Variants in SYTL3 observed in about 807,000 individuals in gnomAD.
SYTL3 encodes synaptotagmin-like protein 3.
In SYTL3, 88 loss-of-function variants were observed where a neutral mutation model predicts 82.1. The ratio of observed to expected loss-of-function variants is 1.07; its 90% confidence interval spans 0.90 to 1.28. SYTL3 has a LOEUF of 1.28. Ranked by LOEUF, SYTL3 falls within the 50% of genes most tolerant of loss-of-function variation. SYTL3 has a pLI of 0.00. For synonymous variants in SYTL3, 311 were observed against 289.4 expected (o/e 1.07, Z -0.76); for missense variants, 831 against 757.6 (o/e 1.10, Z -1.14).
intron 5 of SYTL3, among the ~76,000 whole-genome samples, chr6:158,681,172 A>C (rs554864216): frequency 6.6e-6 from 1 of 152,334 alleles, no homozygotes; most frequent in East Asian, 1.9e-4. Flanking sequence ...AAGGATGTGA[A>C]GATCTTATAA....
chr6:158,683,135 A>G (rs946708449), intron 6 of SYTL3, 146 bp downstream of exon 6: 12 of 592,262 alleles, frequency 2.0e-5, no homozygotes, highest in African/African-American at 9.5e-5. Context: ...TGATGCTCTC[A>G]CTGTAATTCA....
At chr6:158,678,785 C>T (rs1778340863) in intron 5 of SYTL3, among the ~76,000 whole-genome samples, 1 of 152,136 alleles carries the variant, frequency 6.6e-6, no homozygotes, top group Admixed American at 6.5e-5. Context: ...TCCCCACCAC[C>T]CTAGGCTTTT....
At chr6:158,671,382 G>C (rs76519195) in intron 5 of SYTL3, among the ~76,000 whole-genome samples, 1 of 152,160 alleles carries the variant, frequency 6.6e-6, no homozygotes, top group Non-Finnish European at 1.5e-5. Context: ...CTGTCACCCT[G>C]TAAGGGAGGG....
chr6:158,757,300 A>G lies in SYTL3; in HGVS notation c.1227A>G (p.Gly409=). The G allele has an allele frequency of 7.4e-6, 12 of 1,613,722 alleles. No individual in the cohort carries two copies. The highest frequency in any genetic ancestry group is 1.0e-5 in the Non-Finnish European group (12 of 1,179,956). ...LGTLARRVFL[G]EVIIPLATWD... ...CGCTGGCCCGGAGAGTGTTTCTTGG[A>G]GAAGTGATCATTCCTCTGGCCACGT... is the stretch of plus-strand genomic sequence containing the variant. Residue 409 remains glycine (G), a synonymous_variant, in exon 14 of 18, where the codon GGA becomes GGG. Coordinates refer to ENST00000611299, the MANE Select transcript of SYTL3 (RefSeq NM_001242394.2).
intron 6 of SYTL3, among the ~76,000 whole-genome samples, chr6:158,704,497 C>G (rs1044195835): frequency 6.6e-6 from 1 of 152,264 alleles, no homozygotes; most frequent in Non-Finnish European, 1.5e-5. Context: ...GGACCTGAGG[C>G]AGAACTGCCC....
chr6:158,724,958 T>A (rs1166976468), intron 10 of SYTL3, among the ~76,000 whole-genome samples: 1 of 152,130 alleles, frequency 6.6e-6, no homozygotes, highest in Non-Finnish European at 1.5e-5. Flanking sequence ...GAGGCTGCAG[T>A]GAGCCAAGAT....
chr6:158,707,367 C>A, intron 7 of SYTL3, 86 bp downstream of exon 7: 2 of 1,094,458 alleles, frequency 1.8e-6, no homozygotes, highest in Non-Finnish European at 2.7e-6. Context: ...GGTCTCTTGA[C>A]TTTCACATGT....
Position 158,651,241 on chromosome 6 carries a change from T to C in SYTL3, c.-726-512T>C, listed in dbSNP as rs577815546. 6.6e-5 allele frequency among the ~76,000 whole-genome samples: 10 copies of C among 152,304 alleles called. No homozygotes were observed. In the East Asian group the frequency reaches 1.2e-3, roughly 18 times the overall value. On this transcript the variant is annotated intron_variant, in intron 1 of 17. Transcript: ENST00000611299. ...GAGTAAGAGCTAAATAAATAGTAGC[T>C]GTTGGCACAACAGAAAGCATAACAA...
At position 158,682,122 on chromosome 6, in the gene SYTL3, A is replaced by G. The variant is rs189435180; in HGVS notation, c.330-803A>G. 3.0e-3 allele frequency among the ~76,000 whole-genome samples: 457 copies of G among 151,346 alleles called. 3 individuals carry two copies. Among genetic ancestry groups the G allele is most frequent in the African/African-American group, 9.0e-3 (371 of 41,304 alleles). ...GCCTGGCTAATTTTGTGTTTTTAGT[A>G]GAGACAGGGTTTTGCCATGTTGGCC... On this transcript the variant is annotated intron_variant, in intron 5 of 17. Transcript: ENST00000611299.
chr6:158,748,968 C>A (rs570925753), intron 12 of SYTL3, among the ~76,000 whole-genome samples: 1 of 152,156 alleles, frequency 6.6e-6, no homozygotes, highest in Admixed American at 6.6e-5. Context: ...TGGCTGCAAG[C>A]CCAGCACTTT....
At chr6:158,716,729 G>A (rs955089795) in intron 9 of SYTL3, among the ~76,000 whole-genome samples, 11 of 152,192 alleles carry the variant, frequency 7.2e-5, no homozygotes, top group African/African-American at 2.7e-4. Flanking sequence ...AGAGGATAGA[G>A]GATTCATGCA....
chr6:158,729,888 CTT>C (rs57184517), intron 11 of SYTL3, among the ~76,000 whole-genome samples: 3 of 151,120 alleles, frequency 2.0e-5, no homozygotes, highest in African/African-American at 7.3e-5. Context: ...TTAAAGTTTC[CTT>C]TTTTTTGTTA....
chr6:158,710,872 C>A (rs751708228), intron 8 of SYTL3, among the ~76,000 whole-genome samples: 14 of 151,948 alleles, frequency 9.2e-5, no homozygotes, highest in Non-Finnish European at 2.1e-4. Context: ...CCTCCACCTC[C>A]CGGGTTCAAG....
chr6:158,669,687 C>T (rs1777142082), intron 5 of SYTL3, among the ~76,000 whole-genome samples: 1 of 152,196 alleles, frequency 6.6e-6, no homozygotes, highest in Non-Finnish European at 1.5e-5. Context: ...TTGATCCAGA[C>T]CTTGGCATTT....
chr6:158,743,793 CA>C (rs1787246858), intron 11 of SYTL3, among the ~76,000 whole-genome samples: 1 of 151,808 alleles, frequency 6.6e-6, no homozygotes, highest in Non-Finnish European at 1.5e-5. Context: ...TCCATTTTAA[CA>C]GTGGAATGGT....
chr6:158,722,958 G>T (rs1784299141), intron 10 of SYTL3, among the ~76,000 whole-genome samples: 1 of 150,900 alleles, frequency 6.6e-6, no homozygotes, highest in Admixed American at 6.6e-5. Flanking sequence ...TAGAGACAGG[G>T]TTTCTCCATT....
At chr6:158,703,518 G>T (rs1781570249) in intron 6 of SYTL3, among the ~76,000 whole-genome samples, 1 of 152,206 alleles carries the variant, frequency 6.6e-6, no homozygotes, top group Non-Finnish European at 1.5e-5. Context: ...CTTCTAGGAA[G>T]AAACAACTGA....
In SYTL3 at chr6:158,727,466, C is replaced by T. The variant is rs983639044; in HGVS notation, c.855+1829C>T. Among the ~76,000 whole-genome samples the T allele has an allele frequency of 9.2e-5, 14 of 152,260 alleles. 1 individual carries two copies. The South Asian group carries it at 2.1e-3, about 23-fold the overall frequency. Reference sequence around the variant, plus strand: ...GATTACAGGCATGAGCCACCGCACCCGGCCTAGAACTTTCATTCTTCCTTT... The same window carrying T: ...GATTACAGGCATGAGCCACCGCACCTGGCCTAGAACTTTCATTCTTCCTTT... On this transcript the variant is annotated intron_variant, in intron 11 of 17. Coordinates refer to ENST00000611299, the MANE Select transcript of SYTL3 (RefSeq NM_001242394.2).
chr6:158,728,030 T>C (rs1410567423), intron 11 of SYTL3, among the ~76,000 whole-genome samples: 1 of 152,236 alleles, frequency 6.6e-6, no homozygotes, highest in Admixed American at 6.5e-5. Context: ...TTACATCTTA[T>C]GATGAACATT....
Sources: gnomAD v4.1 joint callset for allele counts (sites outside exome capture counted in the v4.1 genomes callset) on GRCh38, gnomAD v4.1.1 for gene constraint, MANE v1.5 for transcripts, NCBI Gene and HGNC (gene_info 2026-07-23, HGNC 2026-07-21) for gene names.